Variants in LDLRAD3 observed in about 807,000 individuals in gnomAD.
LDLRAD3 encodes low-density lipoprotein receptor class A domain-containing protein 3.
LDLRAD3 carries 20 observed loss-of-function variants against 29.4 expected under a neutral mutation model. The ratio of observed to expected loss-of-function variants is 0.68; its 90% CI spans 0.48 to 0.99. LDLRAD3 has a LOEUF of 0.99. LDLRAD3 is among the 50% of genes least tolerant of loss of function. The pLI is 0.00. For missense variants in LDLRAD3, 420 were observed against 454.3 expected (o/e 0.92, Z 0.69); for synonymous variants, 157 against 192.7 (o/e 0.81, Z 1.53).
intron 4 of LDLRAD3, among the ~76,000 whole-genome samples, chr11:36,130,958 G>A (rs1414769396): frequency 6.6e-6 from 1 of 152,152 alleles, no homozygotes; most frequent in African/African-American, 2.4e-5. Context: ...CCTGCTGGTG[G>A]CCAGAAGCCT....
At position 36,057,548 on chromosome 11, in the gene LDLRAD3, C is replaced by T. The variant is rs1358719114; in HGVS notation, c.193+21299C>T. ...TTTGCTCCAAGAATCTCTTAGTTGT[C>T]AGATCCAGCAAATGTTGAAATACGC... On this transcript the variant is annotated intron_variant, in intron 2 of 5. Coordinates refer to ENST00000315571, the MANE Select transcript of LDLRAD3 (RefSeq NM_174902.4). 3.9e-5 allele frequency among the ~76,000 whole-genome samples: 6 copies of T among 152,114 alleles called. No individual in the cohort carries two copies. The South Asian group carries it at 1.0e-3, about 26-fold the overall frequency.
At chr11:36,115,485 G>A (rs1554965939) in intron 4 of LDLRAD3, among the ~76,000 whole-genome samples, 3 of 152,060 alleles carry the variant, frequency 2.0e-5, no homozygotes, top group South Asian at 4.2e-4. Context: ...CTGGACCCCC[G>A]CTTCCCAAGA....
intron 1 of LDLRAD3, among the ~76,000 whole-genome samples, chr11:35,991,428 G>A (rs989455165): frequency 6.6e-5 from 10 of 151,962 alleles, no homozygotes; most frequent in Admixed American, 2.0e-4. Flanking sequence ...GTATTATGCC[G>A]GAACATGGTG....
At chr11:36,178,437 G>C (rs1050526946) in intron 4 of LDLRAD3, among the ~76,000 whole-genome samples, 1 of 151,998 alleles carries the variant, frequency 6.6e-6, no homozygotes, top group African/African-American at 2.4e-5. Flanking sequence ...TCATTCCGTC[G>C]TACGCCAAAT....
intron 4 of LDLRAD3, among the ~76,000 whole-genome samples, chr11:36,119,924 TTTACTC>T (rs1221413688): frequency 3.9e-5 from 6 of 152,232 alleles, no homozygotes; most frequent in African/African-American, 1.4e-4. Context: ...GTGCCAGAGA[TTTACTC>T]TTACATTTTC....
intron 4 of LDLRAD3, among the ~76,000 whole-genome samples, chr11:36,146,183 T>C (rs76200308): frequency 6.6e-6 from 1 of 152,112 alleles, no homozygotes; most frequent in Non-Finnish European, 1.5e-5. Context: ...ACACTCCAAC[T>C]CAAGTTGTCA....
intron 1 of LDLRAD3, chr11:35,968,013 A>G (rs1400266828): frequency 4.5e-6 from 2 of 445,744 alleles, no homozygotes; most frequent in Non-Finnish European, 8.9e-6. Flanking sequence ...CAGGCTTTTA[A>G]TGCACTTGTA....
chr11:36,103,921 G>C (rs1853488059), intron 4 of LDLRAD3, among the ~76,000 whole-genome samples: 1 of 152,096 alleles, frequency 6.6e-6, no homozygotes, highest in Admixed American at 6.5e-5. Context: ...TGTCACATTT[G>C]GTTTATCCAT....
intron 2 of LDLRAD3, among the ~76,000 whole-genome samples, chr11:36,076,124 T>G (rs1241283434): frequency 6.6e-6 from 1 of 152,216 alleles, no homozygotes; most frequent in African/African-American, 2.4e-5. Flanking sequence ...GTACTGCTTC[T>G]AGTCTTCTCT....
intron 1 of LDLRAD3, among the ~76,000 whole-genome samples, chr11:35,996,489 T>G (rs1353024362): frequency 6.6e-6 from 1 of 152,202 alleles, no homozygotes; most frequent in African/African-American, 2.4e-5. Flanking sequence ...ATTATGAGAA[T>G]TCCCAAAATG....
chr11:35,947,375 T>C (rs1851071012), intron 1 of LDLRAD3, among the ~76,000 whole-genome samples: 1 of 151,806 alleles, frequency 6.6e-6, no homozygotes, highest in East Asian at 1.9e-4. Flanking sequence ...CCAGGTGTGG[T>C]GACGTGCGCC....
rs188361104 is a variant in LDLRAD3, at chr11:35,981,474, A to T, written c.46+37330A>T. The stretch of plus-strand genomic sequence containing the variant: ...AACAATGGGGGTGTCCTTGGCTGTT[A>T]GTATTAAGAACAGAAAAATAACTCA... On this transcript the variant is annotated intron_variant, in intron 1 of 5. Coordinates refer to ENST00000315571, the MANE Select transcript of LDLRAD3 (RefSeq NM_174902.4). 8.9e-4 allele frequency among the ~76,000 whole-genome samples: 136 copies of T among 152,312 alleles called. 1 individual carries two copies. The highest frequency in any genetic ancestry group is 9.7e-4 in the East Asian group (5 of 5,180).
chr11:35,997,863 A>G (rs896867663), intron 1 of LDLRAD3, among the ~76,000 whole-genome samples: 2 of 152,152 alleles, frequency 1.3e-5, no homozygotes, highest in Non-Finnish European at 2.9e-5. Context: ...TGGGGCTGGG[A>G]CTGGAGTTCA....
intron 3 of LDLRAD3, among the ~76,000 whole-genome samples, chr11:36,090,956 A>G (rs1489472866): frequency 2.0e-5 from 3 of 152,204 alleles, no homozygotes; most frequent in Admixed American, 6.5e-5. Context: ...AGCCAAGGTC[A>G]AGGCAGCGAG....
At chr11:36,064,977 G>A (rs61013926) in intron 2 of LDLRAD3, among the ~76,000 whole-genome samples, 7,919 of 152,224 alleles carry the variant, frequency 0.052, 666 homozygotes, top group African/African-American at 0.18. Flanking sequence ...GTATGCTTGG[G>A]AAGAATGTGT....
At chr11:36,085,124 A>T (rs1853175955) in intron 3 of LDLRAD3, among the ~76,000 whole-genome samples, 1 of 152,190 alleles carries the variant, frequency 6.6e-6, no homozygotes, top group Non-Finnish European at 1.5e-5. Context: ...GAAGTTGGCA[A>T]CAAATTATGT....
chr11:36,148,106 G>A (rs1022872839), intron 4 of LDLRAD3, among the ~76,000 whole-genome samples: 1 of 152,118 alleles, frequency 6.6e-6, no homozygotes, highest in African/African-American at 2.4e-5. Flanking sequence ...CCTGACCTCA[G>A]TGATCTGCCC....
chr11:36,198,915 T>C (rs1855074451), intron 4 of LDLRAD3, among the ~76,000 whole-genome samples: 1 of 151,990 alleles, frequency 6.6e-6, no homozygotes, highest in Non-Finnish European at 1.5e-5. Flanking sequence ...TTTGTTTTTT[T>C]TTGGAGATGG....
chr11:35,968,908 G>A (rs535752458), intron 1 of LDLRAD3, among the ~76,000 whole-genome samples: 50 of 152,122 alleles, frequency 3.3e-4, no homozygotes, highest in African/African-American at 1.2e-3. Flanking sequence ...AATTCCTCAC[G>A]TGTGGCCTCA....
Sources: allele counts gnomAD v4.1 joint callset (sites outside exome capture counted in the v4.1 genomes callset), GRCh38; gene constraint gnomAD v4.1.1; transcripts MANE v1.5; gene names NCBI Gene and HGNC (gene_info 2026-07-23, HGNC 2026-07-21).